FGF13: variants seen among roughly 807,000 people sequenced by gnomAD.
FGF13 encodes the protein fibroblast growth factor 13, also known as fibroblast growth factor homologous factor 2.
Under a neutral mutation model 19.5 loss-of-function variants are expected in FGF13, and 2 were observed. The ratio of observed to expected loss-of-function variants is 0.10; its 90% CI spans 0.04 to 0.32. The LOEUF is 0.32. Ranked by LOEUF, FGF13 falls within the 10% of genes least tolerant of loss-of-function variation. The pLI is 1.00. For synonymous variants in FGF13, 72 were observed against 76.9 expected, an observed-to-expected ratio of 0.94 and a Z score of 0.33; for missense variants, 113 against 192.7, an observed-to-expected ratio of 0.59 and a Z score of 2.45.
chrX:138,631,471 T>A lies in FGF13; in HGVS notation c.*1379A>T, dbSNP rs1285223426. ...ATGACTCTCTAGACTGTAGACTATC[T>A]GAGGACAGTGACCTTATCTGCATTA... On this transcript the variant is annotated 3_prime_UTR_variant, in exon 5 of 5. Transcript: ENST00000315930. 1 of 112,653 alleles carries A rather than the reference T, an allele frequency of 8.9e-6. No individual in the cohort carries two copies. Among genetic ancestry groups the A allele is most frequent in the East Asian group, 2.8e-4 (1 of 3,575 alleles). 9.3% of individuals were successfully genotyped at this position (112,653 alleles called of 1,213,427 possible).
chrX:138,857,499 G>A (rs1413748628), downstream of FGF13: 13 of 1,177,482 alleles, frequency 1.1e-5, no homozygotes, highest in Non-Finnish European at 1.4e-5. Context: ...ACACGCGTCT[G>A]TCGTGCACAA....
At chrX:138,826,923 GTA>G (rs1354713796) in intron 3 of FGF13, among the ~76,000 whole-genome samples, 14 of 112,055 alleles carry the variant, frequency 1.2e-4, no homozygotes, top group African/African-American at 4.5e-4. Flanking sequence ...TGGTACACAG[GTA>G]TATTAAAGCA....
At chrX:138,939,433 T>G (rs951874786) in intron 1 of FGF13, among the ~76,000 whole-genome samples, 3 of 112,238 alleles carry the variant, frequency 2.7e-5, no homozygotes, top group Non-Finnish European at 3.8e-5. Flanking sequence ...AACTTTTATT[T>G]TAGGTTTAGG....
rs1043064764 is a variant in FGF13 at position 139,152,827 on chromosome X, A to G, written c.-113+50589T>C. Among the ~76,000 whole-genome samples, 11 of 110,542 alleles carry G rather than the reference A, an allele frequency of 1.0e-4. No homozygotes were observed. In the South Asian group the frequency reaches 3.5e-3, roughly 35 times the overall value. On this transcript the variant is annotated intron_variant, in intron 1 of 2. Transcript: ENST00000421460. ...CACACAAAGCCTTCCCTTTGTCAGGAATACTCCTTCACCTGCAGCCTTTTG... is the reference window on the plus strand; with the variant it reads ...CACACAAAGCCTTCCCTTTGTCAGGGATACTCCTTCACCTGCAGCCTTTTG...
intron 1 of FGF13, among the ~76,000 whole-genome samples, chrX:138,947,714 C>A (rs185138684): frequency 1.1e-3 from 119 of 111,536 alleles, no homozygotes; most frequent in Non-Finnish European, 1.1e-3. Flanking sequence ...ATAATTTGAT[C>A]CTAATCACAA....
intron 3 of FGF13, among the ~76,000 whole-genome samples, chrX:138,691,382 G>A (rs12397261): frequency 0.019 from 2,175 of 111,747 alleles, 45 homozygotes; most frequent in African/African-American, 0.065. Flanking sequence ...TTGTGGCCAG[G>A]ATATAGCAGT....
intron 1 of FGF13, among the ~76,000 whole-genome samples, chrX:138,734,484 A>G (rs1288003706): frequency 9.0e-6 from 1 of 111,551 alleles, no homozygotes; most frequent in Non-Finnish European, 1.9e-5. Flanking sequence ...AATGAGCACA[A>G]AGGTAAAAAC....
chrX:139,084,780 G>A lies in FGF13; in HGVS notation c.-113+118636C>T, dbSNP rs750433954. ...AGCACAAGCTATCATTTGTTCCTCT[G>A]CACAGAATAAAACGGTCCAATGAAA... is the stretch of plus-strand genomic sequence containing the variant. On this transcript the variant is annotated intron_variant, in intron 1 of 2. Coordinates refer to the FGF13 transcript ENST00000421460. Among the ~76,000 whole-genome samples the A allele has an allele frequency of 1.2e-4, 13 of 112,203 alleles. No homozygotes were observed. In the East Asian group the frequency reaches 3.6e-3, roughly 31 times the overall value.
At chrX:138,971,989 T>C (rs754816460) in intron 1 of FGF13, among the ~76,000 whole-genome samples, 3 of 110,654 alleles carry the variant, frequency 2.7e-5, no homozygotes, top group Non-Finnish European at 5.7e-5. Context: ...CTTAACATAA[T>C]GTCCTCTAGG....
chrX:139,018,032 A>C (rs2092161547), intron 1 of FGF13, among the ~76,000 whole-genome samples: 2 of 111,884 alleles, frequency 1.8e-5, no homozygotes, highest in Admixed American at 1.9e-4. Flanking sequence ...AATAGATCCA[A>C]CTTCTTATAA....
chrX:138,805,399 C>A (rs999876106), intron 3 of FGF13, among the ~76,000 whole-genome samples: 4 of 111,666 alleles, frequency 3.6e-5, no homozygotes, highest in Admixed American at 1.9e-4. Flanking sequence ...CACACCCATA[C>A]TTTTAGGAAG....
At chrX:138,912,425 C>G (rs1291808815) in intron 1 of FGF13, among the ~76,000 whole-genome samples, 1 of 111,804 alleles carries the variant, frequency 8.9e-6, no homozygotes. Context: ...AGAACACTGA[C>G]TTCAGAGACT....
At chrX:138,865,248 C>T (rs769244611) in intron 1 of FGF13, among the ~76,000 whole-genome samples, 1 of 111,608 alleles carries the variant, frequency 9.0e-6, no homozygotes, top group East Asian at 2.9e-4. Flanking sequence ...ACCTGGAGGA[C>T]TTTTAAAAAC....
intron 1 of FGF13, among the ~76,000 whole-genome samples, chrX:138,999,129 GA>G (rs1191772690): frequency 8.9e-6 from 1 of 111,978 alleles, no homozygotes; most frequent in African/African-American, 3.2e-5. Context: ...GATGTTCTTT[GA>G]AACCAATGAG....
chrX:139,204,017 A>AC (rs1448585638), upstream of FGF13: 13 of 1,192,507 alleles, frequency 1.1e-5, no homozygotes, highest in Non-Finnish European at 1.5e-5. Context: ...GGCGAGGGAA[A>AC]CGAAGGAAAG....
chrX:138,762,376 G>T (rs1280328934), intron 3 of FGF13, among the ~76,000 whole-genome samples: 1 of 112,083 alleles, frequency 8.9e-6, no homozygotes, highest in Non-Finnish European at 1.9e-5. Flanking sequence ...TTAATGAAAG[G>T]ATGAACAAAG....
intron 1 of FGF13, among the ~76,000 whole-genome samples, chrX:138,878,855 C>T (rs767121929): frequency 2.1e-4 from 23 of 111,631 alleles, no homozygotes; most frequent in Admixed American, 1.2e-3. Context: ...AACTGGTGTG[C>T]GATGGTATCT....
chrX:138,640,956 AT>A (rs757338535), intron 3 of FGF13, among the ~76,000 whole-genome samples: 15 of 107,805 alleles, frequency 1.4e-4, no homozygotes, highest in South Asian at 7.9e-4. Context: ...TCAAAAACAT[AT>A]TTTTTTTTTA....
At chrX:138,889,832 C>T (rs1320890087) in intron 1 of FGF13, among the ~76,000 whole-genome samples, 1 of 111,231 alleles carries the variant, frequency 9.0e-6, no homozygotes, top group Non-Finnish European at 1.9e-5. Flanking sequence ...ATCGGGCTTT[C>T]GGAGCTCAGA....
Sources: gnomAD v4.1 joint callset for allele counts (sites outside exome capture counted in the v4.1 genomes callset) on GRCh38, gnomAD v4.1.1 for gene constraint, MANE v1.5 for transcripts, NCBI Gene and HGNC (gene_info 2026-07-23, HGNC 2026-07-21) for gene names.